The following TYW1 variants were observed in gnomAD, a reference collection of about 807,000 sequenced individuals.
The protein encoded by TYW1 is tRNA-yW synthesizing protein 1 homolog, also known as S-adenosyl-L-methionine-dependent tRNA 4-demethylwyosine synthase TYW1.
In TYW1, 46 loss-of-function variants were observed where a neutral mutation model predicts 96.2. That is an observed-to-expected ratio of 0.48 (90% CI 0.38 to 0.61). TYW1 has a LOEUF of 0.61. TYW1 is among the 20% of genes least tolerant of loss of function. The pLI is 0.00. For synonymous variants in TYW1, 274 were observed against 323.0 expected (o/e 0.85, Z 1.63); for missense variants, 684 against 909.6 (o/e 0.75, Z 3.19).
At chr7:67,090,398 A>G (rs965844083) in intron 11 of TYW1, among the ~76,000 whole-genome samples, 1 of 152,192 alleles carries the variant, frequency 6.6e-6, no homozygotes, top group African/African-American at 2.4e-5. Context: ...TGAGCATTAC[A>G]TCATGTTTAT....
At chr7:67,214,415 ATCT>A (rs1178993499) in intron 15 of TYW1, among the ~76,000 whole-genome samples, 1 of 151,972 alleles carries the variant, frequency 6.6e-6, no homozygotes. Context: ...ATTCTTTGGG[ATCT>A]TCTACATGTA....
chr7:67,219,319 T>C (rs1801306025), intron 15 of TYW1, among the ~76,000 whole-genome samples: 1 of 152,192 alleles, frequency 6.6e-6, no homozygotes, highest in South Asian at 2.1e-4. Context: ...TTTGTGTCAG[T>C]ATTCAAAAGT....
intron 13 of TYW1, among the ~76,000 whole-genome samples, chr7:67,177,766 C>T (rs999506300): frequency 6.6e-6 from 1 of 152,024 alleles, no homozygotes; most frequent in Non-Finnish European, 1.5e-5. Flanking sequence ...ATCAGATTGC[C>T]AATATCTGCT....
At chr7:67,045,623 C>T (rs529543223) in intron 7 of TYW1, among the ~76,000 whole-genome samples, 6 of 152,296 alleles carry the variant, frequency 3.9e-5, no homozygotes, top group Admixed American at 2.6e-4. Flanking sequence ...TTATAAAGAA[C>T]GTTTTGTGTA....
intron 13 of TYW1, 29 bp downstream of exon 13, chr7:67,117,647 T>C (rs372803536): frequency 1.3e-5 from 20 of 1,592,328 alleles, no homozygotes; most frequent in East Asian, 8.9e-5. Context: ...TAAAAATAAA[T>C]AAACAACCCT....
chr7:67,111,464 G>A (rs1797404350), intron 12 of TYW1, among the ~76,000 whole-genome samples: 1 of 152,146 alleles, frequency 6.6e-6, no homozygotes. Context: ...CCCTCCCAAA[G>A]TGGTGGGATT....
chr7:67,154,354 A>T (rs1295173419), intron 13 of TYW1, among the ~76,000 whole-genome samples: 2 of 152,328 alleles, frequency 1.3e-5, no homozygotes, highest in East Asian at 3.9e-4. Context: ...ACTTCCAGAT[A>T]TAGGACTCCC....
intron 6 of TYW1, among the ~76,000 whole-genome samples, chr7:67,019,424 C>A (rs1277215273): frequency 6.6e-6 from 1 of 151,786 alleles, no homozygotes; most frequent in East Asian, 1.9e-4. Flanking sequence ...TCTCGAACTC[C>A]TGACCTCAGG....
chr7:67,068,721 C>T (rs548963632), intron 10 of TYW1, among the ~76,000 whole-genome samples: 9 of 152,284 alleles, frequency 5.9e-5, no homozygotes, highest in African/African-American at 2.2e-4. Context: ...AATACTTCAT[C>T]TCCAGTCTCA....
At chr7:67,160,021 C>T (rs1321428076) in intron 13 of TYW1, among the ~76,000 whole-genome samples, 2 of 152,134 alleles carry the variant, frequency 1.3e-5, no homozygotes, top group African/African-American at 2.4e-5. Context: ...GCCAGATGGT[C>T]TCGATCTCCT....
intron 7 of TYW1, among the ~76,000 whole-genome samples, chr7:67,048,805 T>C (rs1367957470): frequency 1.3e-5 from 2 of 152,242 alleles, no homozygotes; most frequent in African/African-American, 4.8e-5. Context: ...CTTCTAGAAG[T>C]AGACATTGGC....
intron 4 of TYW1, among the ~76,000 whole-genome samples, chr7:67,011,864 TCTC>T (rs1342522142): frequency 7.4e-6 from 1 of 135,320 alleles, no homozygotes; most frequent in Non-Finnish European, 1.6e-5. Flanking sequence ...CAAAAGCAAA[TCTC>T]CGTCTCAAAA....
At chr7:67,212,168 A>G (rs767142303) in intron 15 of TYW1, among the ~76,000 whole-genome samples, 2 of 151,984 alleles carry the variant, frequency 1.3e-5, no homozygotes, top group Non-Finnish European at 2.9e-5. Flanking sequence ...TTATTGTTCT[A>G]TATTTATAGT....
intron 15 of TYW1, among the ~76,000 whole-genome samples, chr7:67,213,854 A>G (rs902639799): frequency 2.6e-5 from 4 of 152,170 alleles, no homozygotes; most frequent in East Asian, 1.9e-4. Flanking sequence ...TGGCCTTTCT[A>G]TTCCACTGCA....
chr7:67,159,893 C>T (rs1044977106), intron 13 of TYW1, among the ~76,000 whole-genome samples: 6 of 152,124 alleles, frequency 3.9e-5, no homozygotes, highest in East Asian at 1.9e-4. Flanking sequence ...CTCTGCCTCC[C>T]GGGTTCACGC....
chr7:67,072,700 G>GTT (rs1483864055), intron 10 of TYW1, among the ~76,000 whole-genome samples: 2 of 151,928 alleles, frequency 1.3e-5, no homozygotes, highest in East Asian at 3.9e-4. Flanking sequence ...CCATCATATT[G>GTT]TTTTATCTGT....
chr7:67,035,108 T>A (rs927377630), intron 7 of TYW1, among the ~76,000 whole-genome samples: 1 of 151,476 alleles, frequency 6.6e-6, no homozygotes, highest in South Asian at 2.1e-4. Context: ...TTTCTTTTCA[T>A]GTGAAACATT....
intron 13 of TYW1, among the ~76,000 whole-genome samples, chr7:67,122,458 G>A (rs1231566560): frequency 1.3e-5 from 2 of 152,178 alleles, no homozygotes; most frequent in African/African-American, 4.8e-5. Context: ...AAAATATTAT[G>A]TGCTGCTTAT....
intron 8 of TYW1, 38 bp from the exon 9 acceptor site, chr7:67,055,797 G>C (rs371866976): frequency 1.9e-6 from 3 of 1,548,596 alleles, no homozygotes; most frequent in Non-Finnish European, 2.6e-6. Flanking sequence ...TGACGCTTTG[G>C]ATCAGTCCAA....
Sources: allele counts gnomAD v4.1 joint callset (sites outside exome capture counted in the v4.1 genomes callset), GRCh38; gene constraint gnomAD v4.1.1; transcripts MANE v1.5; gene names NCBI Gene and HGNC (gene_info 2026-07-23, HGNC 2026-07-21).